CRACR2A: variants seen among roughly 807,000 people sequenced by gnomAD.
CRACR2A encodes the protein calcium release activated channel regulator 2A.
A neutral mutation model predicts 90.5 loss-of-function variants in CRACR2A; 79 were observed. That is an observed-to-expected ratio of 0.87 (90% CI 0.73 to 1.05). The LOEUF (loss-of-function observed/expected upper bound fraction) is 1.05. Ranked by LOEUF, CRACR2A falls within the 50% of genes least tolerant of loss-of-function variation. The pLI is 0.00. For synonymous variants in CRACR2A, 338 were observed against 356.7 expected, an observed-to-expected ratio of 0.95 and a Z score of 0.59; for missense variants, 823 against 897.2, an observed-to-expected ratio of 0.92 and a Z score of 1.06.
At chr12:3,629,372 G>C (rs2137312287) in intron 15 of CRACR2A, among the ~76,000 whole-genome samples, 1 of 152,248 alleles carries the variant, frequency 6.6e-6, no homozygotes, top group Admixed American at 6.5e-5. Context: ...GATTACAGTG[G>C]CTGGGAGGTG....
At chr12:3,710,756 G>A (rs1945995684) in intron 3 of CRACR2A, among the ~76,000 whole-genome samples, 1 of 150,264 alleles carries the variant, frequency 6.7e-6, no homozygotes, top group Non-Finnish European at 1.5e-5. Context: ...TTGTGCCACT[G>A]CACTCCAGCC....
chr12:3,712,010 A>T (rs563704513), intron 3 of CRACR2A, among the ~76,000 whole-genome samples: 1 of 152,342 alleles, frequency 6.6e-6, no homozygotes, highest in South Asian at 2.1e-4. Flanking sequence ...TCTAGCCTGC[A>T]GAGATAACCC....
At chr12:3,615,598 G>A (rs1165641312) in intron 19 of CRACR2A, among the ~76,000 whole-genome samples, 159 bp from the exon 20 acceptor site, 1 of 152,106 alleles carries the variant, frequency 6.6e-6, no homozygotes, top group Non-Finnish European at 1.5e-5. Flanking sequence ...ATCCCCCCCT[G>A]GACAGTACAG....
At chr12:3,656,447 G>T in intron 8 of CRACR2A, 41 bp from the exon 9 acceptor site, 1 of 1,589,086 alleles carries the variant, frequency 6.3e-7, no homozygotes. Context: ...CCCAAATGTA[G>T]CACACCCGGG....
chr12:3,696,282 T>C (rs1041570590), intron 4 of CRACR2A, among the ~76,000 whole-genome samples: 1 of 152,246 alleles, frequency 6.6e-6, no homozygotes, highest in Non-Finnish European at 1.5e-5. Context: ...ATGCTCTGCA[T>C]ACCATCTCTC....
chr12:3,723,110 C>T (rs968766364), intron 2 of CRACR2A, among the ~76,000 whole-genome samples: 2 of 152,224 alleles, frequency 1.3e-5, no homozygotes, highest in African/African-American at 4.8e-5. Flanking sequence ...ACATCTATTA[C>T]TCCTGCTGGA....
intron 17 of CRACR2A, among the ~76,000 whole-genome samples, chr12:3,621,831 AG>A (rs1189854751): frequency 2.6e-5 from 4 of 151,896 alleles, no homozygotes; most frequent in Non-Finnish European, 5.9e-5. Flanking sequence ...GCTTCCCTGC[AG>A]GGACCCTGGC....
chr12:3,695,524 G>A (rs144041696), intron 4 of CRACR2A, among the ~76,000 whole-genome samples: 13 of 152,328 alleles, frequency 8.5e-5, no homozygotes, highest in African/African-American at 3.1e-4. Context: ...CATGGGGCCA[G>A]GGAAAGAACT....
At chr12:3,664,115 GT>G (rs1403954695) in intron 7 of CRACR2A, among the ~76,000 whole-genome samples, 1 of 152,132 alleles carries the variant, frequency 6.6e-6, no homozygotes, top group Non-Finnish European at 1.5e-5. Context: ...TATAATGTTG[GT>G]TTTTATAATT....
chr12:3,648,336 A>T, intron 11 of CRACR2A: 1 of 1,473,818 alleles, frequency 6.8e-7, no homozygotes, highest in East Asian at 2.3e-5. Context: ...AATAAACTGG[A>T]TGTGGGCGCA....
intron 1 of CRACR2A, among the ~76,000 whole-genome samples, chr12:3,749,867 A>G (rs1407599580): frequency 2.0e-5 from 3 of 149,840 alleles, no homozygotes; most frequent in Non-Finnish European, 3.0e-5. Flanking sequence ...CAAAAAGTGT[A>G]CCAGTTTGAA....
At chr12:3,736,225 TG>T (rs944897344) in intron 1 of CRACR2A, among the ~76,000 whole-genome samples, 3 of 151,312 alleles carry the variant, frequency 2.0e-5, no homozygotes, top group Admixed American at 6.6e-5. Context: ...ACTAAGGCGG[TG>T]GCAGTGCAGA....
chr12:3,648,945 T>C (rs1445928017), intron 10 of CRACR2A, among the ~76,000 whole-genome samples: 1 of 152,076 alleles, frequency 6.6e-6, no homozygotes, highest in East Asian at 1.9e-4. Context: ...ATGCCACCTG[T>C]GAATAGGCTG....
At chr12:3,728,099 G>C (rs903526349) in intron 2 of CRACR2A, 4 of 152,144 alleles carry the variant, frequency 2.6e-5, no homozygotes, top group Non-Finnish European at 5.9e-5. Context: ...CCCTAGACGT[G>C]CCTGCTGTCT....
At position 3,697,052 on chromosome 12, in the gene CRACR2A, G is replaced by A; in HGVS notation, c.-36-17C>T. On this transcript the variant is annotated splice_polypyrimidine_tract_variant and intron_variant, in intron 3 of 19. Transcript: ENST00000440314. ...TTTCAGAACCTGAACATAGAAAATGGGAGAGAGAAGTGGGTGTGGTGGGTT... is the reference window on the plus strand; with the variant it reads ...TTTCAGAACCTGAACATAGAAAATGAGAGAGAGAAGTGGGTGTGGTGGGTT... The A allele has an allele frequency of 4.5e-6, 7 of 1,544,672 alleles. No homozygotes were observed. In the South Asian group the frequency reaches 8.3e-5, roughly 18 times the overall value.
Position 3,619,316 on chromosome 12 carries a change from C to T in CRACR2A, c.1989G>A (p.Glu663=). 6.4e-7 allele frequency: 1 copy of T among 1,551,704 alleles called. No homozygotes were observed. The change falls in exon 18 of 20, where the codon GAG becomes GAA. Residue 663 remains glutamate (E), a synonymous_variant. Coordinates refer to ENST00000440314, the MANE Select transcript of CRACR2A (RefSeq NM_001144958.2). The part of the protein sequence containing the change: ...VLLLGNKLDN[E]KEREVPRGLG... The stretch of plus-strand genomic sequence containing the variant: ...GGCCCCGGGGGACTTCCCGCTCCTT[C>T]TCGTTGTCAAGCTTATTACCCAGCA...
At chr12:3,743,497 CT>C (rs1185453312) in intron 1 of CRACR2A, among the ~76,000 whole-genome samples, 1 of 152,152 alleles carries the variant, frequency 6.6e-6, no homozygotes, top group African/African-American at 2.4e-5. Flanking sequence ...GGGGTCGGCC[CT>C]TTGTAGGAAG....
At chr12:3,751,299 A>G (rs937014677) in intron 1 of CRACR2A, among the ~76,000 whole-genome samples, 5 of 151,992 alleles carry the variant, frequency 3.3e-5, no homozygotes, top group Admixed American at 2.6e-4. Flanking sequence ...CTTCCTGTCC[A>G]TTCCCACCAG....
intron 7 of CRACR2A, among the ~76,000 whole-genome samples, chr12:3,666,358 TGCGTGTGC>T (rs1945146229): frequency 2.7e-5 from 4 of 148,444 alleles, no homozygotes; most frequent in African/African-American, 1.0e-4. Flanking sequence ...TGTGTGTGCG[TGCGTGTGC>T]GCGTGCGCGC....
Sources: allele counts gnomAD v4.1 joint callset (sites outside exome capture counted in the v4.1 genomes callset), GRCh38; gene constraint gnomAD v4.1.1; transcripts MANE v1.5; gene names NCBI Gene and HGNC (gene_info 2026-07-23, HGNC 2026-07-21).